Variants in WDR41 observed in about 807,000 individuals in gnomAD.
The protein encoded by WDR41 is WD repeat domain 41, also known as WD repeat-containing protein 41.
WDR41 carries 63 observed loss-of-function variants against 69.3 expected under a neutral mutation model. That is an observed-to-expected ratio of 0.91 (90% confidence interval 0.74 to 1.12). WDR41 has a LOEUF of 1.12. WDR41 is among the 50% of genes most tolerant of loss of function. WDR41 has a pLI of 0.00. For synonymous variants in WDR41, 185 were observed against 192.1 expected (o/e 0.96, Z 0.31); for missense variants, 543 against 534.5 (o/e 1.02, Z -0.16).
intron 1 of WDR41, among the ~76,000 whole-genome samples, chr5:77,559,056 G>C (rs927628270): frequency 6.6e-6 from 1 of 152,130 alleles, no homozygotes; most frequent in Non-Finnish European, 1.5e-5. Context: ...GAGAGCTCAA[G>C]AATAAATAAC....
intron 1 of WDR41, chr5:77,545,962 TG>T (rs1212167989): frequency 2.0e-6 from 1 of 489,434 alleles, no homozygotes; most frequent in Admixed American, 3.8e-5. Context: ...GGCTCCGTGC[TG>T]GTGACCTCAT....
At chr5:77,529,348 A>G (rs890104608) in intron 1 of WDR41, among the ~76,000 whole-genome samples, 2 of 151,538 alleles carry the variant, frequency 1.3e-5, no homozygotes, top group African/African-American at 4.8e-5. Flanking sequence ...GAAACGCTAA[A>G]CTATTACTGA....
chr5:77,536,966 T>C (rs926489570), intron 1 of WDR41, among the ~76,000 whole-genome samples: 3 of 152,338 alleles, frequency 2.0e-5, no homozygotes, highest in Non-Finnish European at 4.4e-5. Flanking sequence ...GCCTCATCTT[T>C]TATTCTCTAT....
chr5:77,522,506 G>A (rs1033248929), intron 1 of WDR41, among the ~76,000 whole-genome samples: 1 of 152,094 alleles, frequency 6.6e-6, no homozygotes, highest in African/African-American at 2.4e-5. Flanking sequence ...CAGTCGTGGT[G>A]GCGCTCACCT....
rs1051737313 is a variant in WDR41, at chr5:77,492,253, C to G, written c.-33G>C. On this transcript the variant is annotated 5_prime_UTR_variant, in exon 1 of 13. Transcript: ENST00000296679. ...GCGGCGGCGTCTTGCCCGGTCCAGC[C>G]CCAGTCAGCCCAAACTCCGCCCCAG... 1.7e-5 allele frequency: 27 copies of G among 1,610,580 alleles called. No individual in the cohort carries two copies. The highest frequency in any genetic ancestry group is 2.3e-5 in the Non-Finnish European group (27 of 1,178,980).
upstream of WDR41, among the ~76,000 whole-genome samples, chr5:77,497,280 G>A (rs774010945): frequency 2.6e-5 from 4 of 151,898 alleles, no homozygotes; most frequent in African/African-American, 7.3e-5. Context: ...ACTTTCATGC[G>A]TCAAAGGATA....
chr5:77,453,932 C>A lies in WDR41; in HGVS notation c.412-4G>T. ...GTCTCTGAAGAACAGTTAAACACTGCAAAATTTATTTGAAATGTATATCAG... is the reference window on the plus strand; with the variant it reads ...GTCTCTGAAGAACAGTTAAACACTGAAAAATTTATTTGAAATGTATATCAG... On this transcript the variant is annotated splice_polypyrimidine_tract_variant and splice_region_variant and intron_variant, in intron 5 of 12. Coordinates refer to ENST00000296679, the MANE Select transcript of WDR41 (RefSeq NM_018268.4). 1 of 1,608,120 alleles carries A rather than the reference C, an allele frequency of 6.2e-7. No individual in the cohort carries two copies. Among genetic ancestry groups the A allele is most frequent in the Non-Finnish European group, 8.5e-7 (1 of 1,174,744 alleles).
chr5:77,579,224 G>A (rs1044891981), intron 1 of WDR41, among the ~76,000 whole-genome samples: 1 of 151,934 alleles, frequency 6.6e-6, no homozygotes, highest in Non-Finnish European at 1.5e-5. Flanking sequence ...CAAAGGAAAA[G>A]AAAAAATATT....
chr5:77,524,578 C>G (rs1274200907), intron 1 of WDR41, among the ~76,000 whole-genome samples: 1 of 151,706 alleles, frequency 6.6e-6, no homozygotes, highest in Non-Finnish European at 1.5e-5. Flanking sequence ...GGTGACAGAG[C>G]CAGATCCTGT....
At chr5:77,564,058 C>G (rs1035245814) in intron 1 of WDR41, among the ~76,000 whole-genome samples, 5 of 152,044 alleles carry the variant, frequency 3.3e-5, no homozygotes, top group Admixed American at 6.6e-5. Flanking sequence ...TGCATAATAC[C>G]TACCTTTTCA....
chr5:77,577,257 A>G (rs934959964), intron 1 of WDR41, among the ~76,000 whole-genome samples: 1 of 152,128 alleles, frequency 6.6e-6, no homozygotes, highest in Non-Finnish European at 1.5e-5. Context: ...TTTGTACCAC[A>G]ATGTAAAAAA....
intron 1 of WDR41, chr5:77,583,025 G>T: frequency 6.3e-7 from 1 of 1,598,080 alleles, no homozygotes; most frequent in Non-Finnish European, 8.5e-7. Flanking sequence ...TCTTCTCCAC[G>T]AGGTGGAATG....
rs113591951 is a variant in WDR41, at chr5:77,559,192, A to C, written c.42+61287T>G. Among the ~76,000 whole-genome samples the C allele has an allele frequency of 3.1e-3, 465 of 152,346 alleles. 6 individuals are homozygous for C. The highest frequency in any genetic ancestry group is 0.011 in the African/African-American group (438 of 41,582). ...TTTGTAGCATTTGCCAATTTCTGTC[A>C]TGTAAACACTCCCACTGTGGCCAAT... On this transcript the variant is annotated intron_variant, in intron 1 of 5. Transcript: ENST00000509971.
intron 1 of WDR41, among the ~76,000 whole-genome samples, chr5:77,490,451 A>T (rs1166816358): frequency 6.6e-6 from 1 of 152,172 alleles, no homozygotes; most frequent in Non-Finnish European, 1.5e-5. Context: ...CACTGCTTAA[A>T]CGAGAAGCCT....
chr5:77,503,117 C>T (rs1366162310), intron 1 of WDR41, among the ~76,000 whole-genome samples: 1 of 148,092 alleles, frequency 6.8e-6, no homozygotes, highest in Non-Finnish European at 1.5e-5. Context: ...TTCAGGAGAC[C>T]TATCTCACCT....
intron 1 of WDR41, among the ~76,000 whole-genome samples, chr5:77,502,471 C>T (rs566263637): frequency 6.6e-6 from 1 of 152,232 alleles, no homozygotes; most frequent in South Asian, 2.1e-4. Context: ...AGGAGAACAT[C>T]CCCAACCTAG....
intron 1 of WDR41, among the ~76,000 whole-genome samples, chr5:77,525,602 G>A (rs1031226464): frequency 3.9e-5 from 6 of 152,152 alleles, no homozygotes; most frequent in Non-Finnish European, 8.8e-5. Flanking sequence ...GGAAGATCTA[G>A]ACTTTTGATC....
intron 1 of WDR41, among the ~76,000 whole-genome samples, chr5:77,501,827 G>A (rs1487177965): frequency 6.7e-6 from 1 of 150,248 alleles, no homozygotes; most frequent in African/African-American, 2.5e-5. Flanking sequence ...AAACAGAAAG[G>A]AATAGCATCA....
At chr5:77,607,958 A>G (rs1471862513) in intron 1 of WDR41, among the ~76,000 whole-genome samples, 1 of 152,186 alleles carries the variant, frequency 6.6e-6, no homozygotes, top group East Asian at 1.9e-4. Context: ...ATGTGGTAAA[A>G]TATGCATAAA....
Sources: allele counts gnomAD v4.1 joint callset (sites outside exome capture counted in the v4.1 genomes callset), GRCh38; gene constraint gnomAD v4.1.1; transcripts MANE v1.5; gene names NCBI Gene and HGNC (gene_info 2026-07-23, HGNC 2026-07-21).